SRRM4: variants seen among roughly 807,000 people sequenced by gnomAD.
SRRM4 encodes serine/arginine repetitive matrix protein 4.
Under a neutral mutation model 68.9 loss-of-function variants are expected in SRRM4, and 33 were observed. That is an observed-to-expected ratio of 0.48 (90% confidence interval 0.36 to 0.64). The LOEUF (loss-of-function observed/expected upper bound fraction) is 0.64. Ranked by LOEUF, SRRM4 falls within the 30% of genes least tolerant of loss-of-function variation. The pLI is 0.00. For synonymous variants in SRRM4, 318 were observed against 318.8 expected (o/e 1.00, Z 0.03); for missense variants, 817 against 827.1 (o/e 0.99, Z 0.15).
At chr12:119,008,344 C>G (rs1415047634) in intron 1 of SRRM4, among the ~76,000 whole-genome samples, 1 of 150,796 alleles carries the variant, frequency 6.6e-6, no homozygotes, top group Non-Finnish European at 1.5e-5. Flanking sequence ...TGCACTCCAG[C>G]CACAGTGAGA....
At chr12:119,044,087 G>C (rs987761599) in intron 1 of SRRM4, among the ~76,000 whole-genome samples, 2 of 152,248 alleles carry the variant, frequency 1.3e-5, no homozygotes, top group African/African-American at 4.8e-5. Context: ...GGCTGGTCTC[G>C]AACTCCTGAC....
chr12:119,142,506 C>G (rs926917135), intron 8 of SRRM4, among the ~76,000 whole-genome samples: 21 of 152,158 alleles, frequency 1.4e-4, no homozygotes, highest in African/African-American at 5.1e-4. Context: ...TCAAGAAATC[C>G]TTGCCTACGG....
At chr12:118,997,708 G>GA (rs1304620700) in intron 1 of SRRM4, among the ~76,000 whole-genome samples, 1 of 152,168 alleles carries the variant, frequency 6.6e-6, no homozygotes, top group Non-Finnish European at 1.5e-5. Context: ...AAGAACAGGG[G>GA]AAAATATAGA....
chr12:119,149,916 C>T (rs2555276), intron 9 of SRRM4, among the ~76,000 whole-genome samples: 18,153 of 152,118 alleles, frequency 0.12, 1,372 homozygotes, highest in Non-Finnish European at 0.17. Context: ...CAGAGGTCAG[C>T]CTGGCCCTAG....
At chr12:118,988,462 G>A (rs532457705) in intron 1 of SRRM4, among the ~76,000 whole-genome samples, 15 of 152,328 alleles carry the variant, frequency 9.8e-5, no homozygotes, top group Middle Eastern at 3.4e-3. Context: ...AGTCTCTGGC[G>A]TGGGCTATTA....
intron 1 of SRRM4, among the ~76,000 whole-genome samples, chr12:119,023,954 T>G (rs1953531608): frequency 6.6e-6 from 1 of 152,240 alleles, no homozygotes; most frequent in Non-Finnish European, 1.5e-5. Context: ...TAACAAGACT[T>G]TCTCTTCTTG....
At chr12:119,093,247 C>T (rs1285596453) in intron 1 of SRRM4, among the ~76,000 whole-genome samples, 6 of 152,218 alleles carry the variant, frequency 3.9e-5, no homozygotes. Context: ...CTCCACCAAG[C>T]AAGGTTTTTT....
At chr12:119,137,591 AGAGAGAGAGAGAGAG>A (rs1168009178) in intron 8 of SRRM4, among the ~76,000 whole-genome samples, 2 of 3,160 alleles carry the variant, frequency 6.3e-4, no homozygotes, top group Non-Finnish European at 2.8e-3. Flanking sequence ...TGGAGTGGAG[AGAGAGAGAGAGAGAG>A]AGAGAGAGAG....
intron 1 of SRRM4, chr12:118,994,309 T>G (rs551712620): frequency 1.3e-5 from 2 of 152,198 alleles, no homozygotes; most frequent in South Asian, 4.2e-4. Flanking sequence ...CCCCACGTAG[T>G]GGTGTGAATT....
intron 1 of SRRM4, among the ~76,000 whole-genome samples, chr12:118,985,213 A>G (rs1953274344): frequency 6.6e-6 from 1 of 152,182 alleles, no homozygotes; most frequent in African/African-American, 2.4e-5. Context: ...GGCAGGGTAG[A>G]GAGTGGTCCC....
intron 9 of SRRM4, among the ~76,000 whole-genome samples, chr12:119,146,935 C>CAA (rs200936618): frequency 0.017 from 2,331 of 136,170 alleles, 67 homozygotes; most frequent in African/African-American, 0.058. Context: ...GACTCCATCT[C>CAA]AAAAAAAAAA....
intron 1 of SRRM4, among the ~76,000 whole-genome samples, chr12:119,038,501 G>A (rs55853087): frequency 0.023 from 3,426 of 152,246 alleles, 52 homozygotes; most frequent in South Asian, 0.041. Context: ...GTGAGCCACC[G>A]CACCCGGCCG....
In SRRM4 at chr12:119,101,963, C is replaced by A. The variant is rs1230248509; in HGVS notation, c.132-273C>A. On this transcript the variant is annotated intron_variant, in intron 1 of 12. Transcript: ENST00000267260. ...TGATGTGGTGAAGGCATCTTTCCTTCATCAAATAGTTTCACCTTTCAGAAT... is the reference window on the plus strand; with the variant it reads ...TGATGTGGTGAAGGCATCTTTCCTTAATCAAATAGTTTCACCTTTCAGAAT... 3.3e-5 allele frequency among the ~76,000 whole-genome samples: 5 copies of A among 152,270 alleles called. No individual in the cohort carries two copies. The East Asian group carries it at 9.7e-4, about 29-fold the overall frequency.
rs79820266 is a variant in SRRM4, at chr12:119,012,864, A to G, written c.131+30851A>G. 1.6e-3 allele frequency among the ~76,000 whole-genome samples: 248 copies of G among 152,194 alleles called. 5 individuals carry two copies. In the East Asian group the frequency reaches 0.045, roughly 28 times the overall value. Reference sequence around the variant, plus strand: ...CTCTGTTGATATTTACTACATCTTCATTGACTCCTACCCAAGACACAGACA... The same window carrying G: ...CTCTGTTGATATTTACTACATCTTCGTTGACTCCTACCCAAGACACAGACA... On this transcript the variant is annotated intron_variant, in intron 1 of 12. Coordinates refer to ENST00000267260, the MANE Select transcript of SRRM4 (RefSeq NM_194286.4).
Position 118,999,857 on chromosome 12 carries a change from G to A in SRRM4, c.131+17844G>A, listed in dbSNP as rs144497084. On this transcript the variant is annotated intron_variant, in intron 1 of 12. Transcript: ENST00000267260. The stretch of plus-strand genomic sequence containing the variant: ...CTTGTTAATACTTTGCATATATACA[G>A]TGTTTTAAATTTCCCAAACACTTTA... Among the ~76,000 whole-genome samples the A allele has an allele frequency of 7.4e-4, 113 of 152,296 alleles. 3 individuals are homozygous for A. The East Asian group carries it at 0.017, about 23-fold the overall frequency.
chr12:119,074,206 G>GA (rs34126757), intron 1 of SRRM4, among the ~76,000 whole-genome samples: 1 of 151,332 alleles, frequency 6.6e-6, no homozygotes, highest in Non-Finnish European at 1.5e-5. Flanking sequence ...GGGAAACGGT[G>GA]AAAAAAAAAA....
intron 1 of SRRM4, among the ~76,000 whole-genome samples, chr12:119,025,109 G>A (rs1953539586): frequency 6.6e-6 from 1 of 152,272 alleles, no homozygotes; most frequent in African/African-American, 2.4e-5. Context: ...CCTGGTGGGT[G>A]TGCATTAGGG....
At chr12:119,026,416 G>A (rs1023425084) in intron 1 of SRRM4, among the ~76,000 whole-genome samples, 1 of 151,940 alleles carries the variant, frequency 6.6e-6, no homozygotes, top group African/African-American at 2.4e-5. Context: ...ACTCAAAGAG[G>A]AAGTAACAGA....
chr12:119,123,975 C>A (rs1783216327), intron 6 of SRRM4, among the ~76,000 whole-genome samples: 1 of 152,146 alleles, frequency 6.6e-6, no homozygotes, highest in African/African-American at 2.4e-5. Flanking sequence ...CAGGAGGCAG[C>A]ATCTAAGCCG....
Sources: allele counts gnomAD v4.1 joint callset (sites outside exome capture counted in the v4.1 genomes callset), GRCh38; gene constraint gnomAD v4.1.1; transcripts MANE v1.5; gene names NCBI Gene and HGNC (gene_info 2026-07-23, HGNC 2026-07-21).